The following ZNF487 variants were observed in gnomAD, a reference collection of about 807,000 sequenced individuals.
The protein encoded by ZNF487 is KRAB domain only 1.
Under a neutral mutation model 3.0 loss-of-function variants are expected in ZNF487, and 4 were observed. The observed-to-expected ratio is 1.35, with a 90% CI of 0.66 to 3.08. The LOEUF is 3.08. Among genes scored for constraint, ZNF487 ranks in the 30% most tolerant of loss-of-function variants. The pLI is 0.01. For synonymous variants in ZNF487, 55 were observed against 34.6 expected (o/e 1.59, Z -2.06); for missense variants, 146 against 98.7 (o/e 1.48, Z -2.03).
At chr10:43,513,780 A>G in the ZNF487 span, among the ~76,000 whole-genome samples, 1 of 152,158 alleles carries the variant, frequency 6.6e-6, no homozygotes, top group Admixed American at 6.5e-5. Flanking sequence ...GACCCACTGT[A>G]AGTTGGGCCT....
intron 3 of ZNF487, among the ~76,000 whole-genome samples, chr10:43,478,960 G>T (rs1350998524): frequency 6.8e-6 from 1 of 148,138 alleles, no homozygotes; most frequent in South Asian, 2.1e-4. Context: ...AGGCTGGAGT[G>T]CAGTAGCCGA....
chr10:43,477,722 C>T lies in ZNF487; in HGVS notation c.130+1520C>T, dbSNP rs144008621. On this transcript the variant is annotated intron_variant, in intron 3 of 3. Coordinates refer to ENST00000437590, the MANE Select transcript of ZNF487 (RefSeq NM_001355444.3). Reference sequence around the variant, plus strand: ...ATCCCAGCACTTTGGGAGGCCGAGGCGGGTTGGTCACCTGAGGTCAGGAGT... The same window carrying T: ...ATCCCAGCACTTTGGGAGGCCGAGGTGGGTTGGTCACCTGAGGTCAGGAGT... Among the ~76,000 whole-genome samples, 724 of 151,040 alleles carry T rather than the reference C, an allele frequency of 4.8e-3. 7 individuals carry two copies. Among genetic ancestry groups the T allele is most frequent in the African/African-American group, 0.017 (695 of 41,168 alleles).
Position 43,452,966 on chromosome 10 carries a change from C to T in ZNF487, c.-94+15704C>T, listed in dbSNP as rs548980310. On this transcript the variant is annotated intron_variant, in intron 1 of 3. Transcript: ENST00000437590. ...GGTTGGATATTTTATACCTTTTTTT[C>T]CCCAAATACTCTCCACTGAATGTAG... 344 of 151,430 alleles carry T rather than the reference C, an allele frequency of 2.3e-3. 1 individual carries two copies. The highest frequency in any genetic ancestry group is 3.9e-3 in the Non-Finnish European group (265 of 67,860). The allele number at this position is 151,430 out of a possible 1,614,324, so 9.4% of individuals were successfully genotyped here.
the ZNF487 span, among the ~76,000 whole-genome samples, chr10:43,503,224 C>T: frequency 6.6e-6 from 1 of 151,600 alleles, no homozygotes; most frequent in Admixed American, 6.6e-5. Context: ...TAGGCCTGGG[C>T]TAATGTGTAT....
At chr10:43,468,623 G>A (rs1184272089) in intron 1 of ZNF487, among the ~76,000 whole-genome samples, 1 of 143,852 alleles carries the variant, frequency 7.0e-6, no homozygotes, top group Non-Finnish European at 1.5e-5. Context: ...AGGTTGTGGC[G>A]AGCTGCGATC....
chr10:43,446,693 G>A (rs1448183068), intron 1 of ZNF487, among the ~76,000 whole-genome samples: 7 of 149,376 alleles, frequency 4.7e-5, no homozygotes, highest in South Asian at 4.2e-4. Context: ...GGGAAGAGGC[G>A]CTCCTCACTT....
chr10:43,450,537 A>G (rs981029728), intron 1 of ZNF487, among the ~76,000 whole-genome samples: 29 of 152,116 alleles, frequency 1.9e-4, no homozygotes, highest in African/African-American at 6.7e-4. Context: ...TATTTTGAGT[A>G]GAGACGGGGT....
At chr10:43,464,008 G>C (rs1840545323) in intron 1 of ZNF487, among the ~76,000 whole-genome samples, 1 of 151,818 alleles carries the variant, frequency 6.6e-6, no homozygotes. Context: ...CTACCCTGCA[G>C]TGGCCTCTCA....
At chr10:43,439,011 G>T (rs141978926) in intron 1 of ZNF487, among the ~76,000 whole-genome samples, 2 of 152,132 alleles carry the variant, frequency 1.3e-5, no homozygotes, top group African/African-American at 4.8e-5. Flanking sequence ...GGAGGTCGAG[G>T]TGGGTGGATC....
At chr10:43,471,799 A>G (rs945783809) in intron 1 of ZNF487, among the ~76,000 whole-genome samples, 11 of 152,164 alleles carry the variant, frequency 7.2e-5, no homozygotes, top group African/African-American at 2.7e-4. Flanking sequence ...CAGAATGGAC[A>G]GTGTGTGCTC....
chr10:43,440,285 G>T (rs1839549488), intron 1 of ZNF487, among the ~76,000 whole-genome samples: 1 of 151,678 alleles, frequency 6.6e-6, no homozygotes, highest in African/African-American at 2.4e-5. Flanking sequence ...CCTGGCCTCA[G>T]GTAATACGCC....
intron 1 of ZNF487, among the ~76,000 whole-genome samples, chr10:43,457,573 AAAAG>A (rs1840261209): frequency 1.3e-5 from 2 of 150,808 alleles, no homozygotes; most frequent in Admixed American, 6.6e-5. Context: ...AAAAAAAAAA[AAAAG>A]AAAAAGAAAA....
At chr10:43,495,685 T>A in the ZNF487 span, among the ~76,000 whole-genome samples, 12 of 152,160 alleles carry the variant, frequency 7.9e-5, no homozygotes, top group Admixed American at 7.9e-4. Context: ...TGCAGGCATA[T>A]TTTTTAACTA....
At chr10:43,475,895 T>C (rs1841082341) in intron 2 of ZNF487, 48 bp downstream of exon 2, 1 of 697,016 alleles carries the variant, frequency 1.4e-6, no homozygotes, top group Non-Finnish European at 2.7e-6. Context: ...ATTTCCTTTT[T>C]AGCTGCTGAT....
the ZNF487 span, among the ~76,000 whole-genome samples, chr10:43,518,582 C>T: frequency 0.21 from 31,608 of 151,884 alleles, 5,512 homozygotes; most frequent in African/African-American, 0.47. Flanking sequence ...GATTGATAAG[C>T]ACTCAATCTT....
At chr10:43,444,567 C>T (rs1034759285) in intron 1 of ZNF487, among the ~76,000 whole-genome samples, 3 of 151,514 alleles carry the variant, frequency 2.0e-5, no homozygotes, top group Non-Finnish European at 4.4e-5. Context: ...ACAGGTTGTT[C>T]GTTTTTTGTT....
intron 1 of ZNF487, among the ~76,000 whole-genome samples, chr10:43,462,774 T>A (rs7081729): frequency 0.46 from 68,003 of 149,316 alleles, 17,690 homozygotes; most frequent in East Asian, 0.72. Context: ...CTTTCTTTTT[T>A]TTTTTATAAA....
downstream of ZNF487, among the ~76,000 whole-genome samples, chr10:43,485,781 C>T (rs754575796): frequency 1.1e-3 from 167 of 152,300 alleles, 1 homozygote; most frequent in Non-Finnish European, 1.9e-3. Flanking sequence ...AATTGGACAG[C>T]ACTGCTCTAG....
the ZNF487 span, among the ~76,000 whole-genome samples, chr10:43,489,390 G>A: frequency 6.6e-6 from 1 of 152,246 alleles, no homozygotes; most frequent in Admixed American, 6.5e-5. Flanking sequence ...GTCTCGCTCT[G>A]TCGCCCTGGC....
Sources: allele counts gnomAD v4.1 joint callset (sites outside exome capture counted in the v4.1 genomes callset), GRCh38; gene constraint gnomAD v4.1.1; transcripts MANE v1.5; gene names NCBI Gene and HGNC (gene_info 2026-07-23, HGNC 2026-07-21).